The following CROCC variants were observed in gnomAD, a reference collection of about 807,000 sequenced individuals.
The protein encoded by CROCC is ciliary rootlet coiled-coil, rootletin, also known as rootletin.
In CROCC, 180 loss-of-function variants were observed where a neutral mutation model predicts 245.2. That is an observed-to-expected ratio of 0.73 (90% CI 0.65 to 0.83). CROCC has a LOEUF of 0.83. Among genes scored for constraint, CROCC ranks in the 40% least tolerant of loss-of-function variants. The probability of loss-of-function intolerance (pLI) is 0.00; values close to 1 mark genes in which losing one functional copy is unlikely to be tolerated. For synonymous variants in CROCC, 1,205 were observed against 1,241.6 expected, an observed-to-expected ratio of 0.97 and a Z score of 0.62; for missense variants, 2,688 against 2,779.4, an observed-to-expected ratio of 0.97 and a Z score of 0.74.
chr1:16,935,743 C>T (rs1268234043), intron 8 of CROCC, among the ~76,000 whole-genome samples: 1 of 152,278 alleles, frequency 6.6e-6, no homozygotes. Context: ...TTTTTCTTGG[C>T]CACAGAGTGT....
chr1:16,946,840 A>C lies in CROCC; in HGVS notation c.2363A>C (p.Glu788Ala), dbSNP rs1276624825. The C allele has an allele frequency of 6.4e-7, 1 of 1,554,368 alleles. No individual in the cohort carries two copies. The highest frequency in any genetic ancestry group is 1.4e-5 in the African/African-American group (1 of 73,346). The change falls in exon 17 of 37, where the codon GAA (glutamate) becomes GCA (alanine). Residue 788 changes from glutamate to alanine, a missense_variant. Glu to Ala is a moderately radical substitution (Grantham distance 107). This residue lies in a region of CROCC where 295 missense variants were observed against 241.7 expected (regional missense o/e 1.22). Transcript: ENST00000375541. ...GCCACAGTGGCGCGGGAAGAGCAGG[A>C]ACGGCTAGAGGAGCTGCGGTTGGAG... ...QEATVAREEQERLEELRLEQE... is the reference protein window; with the variant it reads ...QEATVAREEQARLEELRLEQE...
intron 1 of CROCC, among the ~76,000 whole-genome samples, chr1:16,916,183 CAA>C (rs58710425): frequency 9.3e-6 from 1 of 107,924 alleles, no homozygotes; most frequent in Non-Finnish European, 2.1e-5. Flanking sequence ...GACTCTGCCT[CAA>C]AAAAAAAGGC....
intron 20 of CROCC, among the ~76,000 whole-genome samples, chr1:16,951,534 G>A (rs866101412): frequency 3.3e-5 from 5 of 152,186 alleles, no homozygotes; most frequent in African/African-American, 1.2e-4. Context: ...AATCTTGGTC[G>A]CTTACTGGTG....
chr1:16,916,095 G>C (rs2075300173), intron 1 of CROCC, among the ~76,000 whole-genome samples: 1 of 152,234 alleles, frequency 6.6e-6, no homozygotes, highest in South Asian at 2.1e-4. Context: ...AGAATTGCTT[G>C]AACCCAGGAG....
At chr1:16,951,384 C>T (rs887430400) in intron 20 of CROCC, 6 of 315,052 alleles carry the variant, frequency 1.9e-5, no homozygotes, top group African/African-American at 1.3e-4. Context: ...ACCTAATGTA[C>T]AGCAGGAAAG....
intron 19 of CROCC, among the ~76,000 whole-genome samples, chr1:16,949,989 G>A (rs543948636): frequency 2.6e-5 from 4 of 151,268 alleles, no homozygotes; most frequent in Non-Finnish European, 4.4e-5. Flanking sequence ...AGCTGGTCTC[G>A]AACTCTTGAC....
intron 34 of CROCC, 38 bp downstream of exon 34, chr1:16,970,491 G>T (rs745531698): frequency 6.6e-7 from 1 of 1,520,696 alleles, no homozygotes; most frequent in Admixed American, 2.0e-5. Context: ...ACTTCCTCTG[G>T]GGCCTAACCG....
chr1:16,962,141 CAA>C (rs1287000880), intron 27 of CROCC, among the ~76,000 whole-genome samples: 1 of 151,716 alleles, frequency 6.6e-6, no homozygotes, highest in Non-Finnish European at 1.5e-5. Flanking sequence ...CGGCTCACTG[CAA>C]CCTCTGCCTC....
At position 16,972,534 on chromosome 1, in the gene CROCC, C is replaced by T. The variant is rs1460878943; in HGVS notation, c.*88C>T. On this transcript the variant is annotated 3_prime_UTR_variant, in exon 37 of 37. Transcript: ENST00000375541. ...CAGCCCCCCCACCCAGAGCCCGGTC[C>T]CTTGGGGGCCTCAAGCTGGGGTGGG... 2.0e-5 allele frequency: 17 copies of T among 851,878 alleles called. No individual in the cohort carries two copies. The highest frequency in any genetic ancestry group is 3.0e-5 in the Non-Finnish European group (17 of 562,822). The allele number at this position is 851,878 out of a possible 1,614,324, so 52.8% of individuals were successfully genotyped here. A position where few individuals can be genotyped will look rare whatever the true frequency, so the allele number is the denominator to read the frequency against.
Position 16,938,437 on chromosome 1 carries a change from CAG to C in CROCC, c.1331_1332del (p.Glu444GlyfsTer21), listed in dbSNP as rs772498635. On this transcript the variant is annotated frameshift_variant, in exon 11 of 37. Transcript: ENST00000375541. LOFTEE classifies it high-confidence loss of function. ...CTACAGGAGCAGGCGGCCCTGGAGA[CAG>C]AGGATGGAGAGGGGCTACAGCAGAC... 7.6e-6 allele frequency: 12 copies of C among 1,580,692 alleles called. No homozygotes were observed. The highest frequency in any genetic ancestry group is 1.0e-5 in the Non-Finnish European group (12 of 1,164,258).
intron 3 of CROCC, among the ~76,000 whole-genome samples, chr1:16,927,939 G>T (rs1432409359): frequency 6.6e-6 from 1 of 152,290 alleles, no homozygotes. Flanking sequence ...CCATGCACGT[G>T]TCCCGGGGGT....
At chr1:16,916,385 A>G (rs1256486320) in intron 1 of CROCC, among the ~76,000 whole-genome samples, 1 of 152,256 alleles carries the variant, frequency 6.6e-6, no homozygotes, top group Admixed American at 6.5e-5. Flanking sequence ...ATGAGCAGGG[A>G]AGCATAGAGA....
intron 3 of CROCC, among the ~76,000 whole-genome samples, chr1:16,926,248 T>G (rs2075532496): frequency 6.6e-6 from 1 of 152,260 alleles, no homozygotes; most frequent in African/African-American, 2.4e-5. Context: ...CTCAAAGGCC[T>G]TTCCTGGAGG....
chr1:16,970,101 T>A (rs1436986602), intron 33 of CROCC, 152 bp from the exon 34 acceptor site: 4 of 1,179,276 alleles, frequency 3.4e-6, no homozygotes, highest in Non-Finnish European at 4.6e-6. Flanking sequence ...AGAAACAGAC[T>A]GAGAGAGACA....
At chr1:16,970,023 C>A in intron 33 of CROCC, 89 bp downstream of exon 33, 3 of 1,466,042 alleles carry the variant, frequency 2.0e-6, no homozygotes, top group African/African-American at 1.4e-5. Flanking sequence ...AACCTCATCC[C>A]AAACCCTGGT....
intron 3 of CROCC, 61 bp from the exon 4 acceptor site, chr1:16,929,785 A>G (rs2075622256): frequency 1.4e-6 from 2 of 1,467,662 alleles, no homozygotes; most frequent in East Asian, 4.9e-5. Context: ...CACGCCCTAC[A>G]GAAGCCTGAG....
At chr1:16,967,388 A>G (rs1259541644) in intron 30 of CROCC, among the ~76,000 whole-genome samples, 3 of 151,674 alleles carry the variant, frequency 2.0e-5, no homozygotes, top group Admixed American at 6.6e-5. Context: ...GCTTCCCCCC[A>G]CCACCCCCGC....
intron 9 of CROCC, among the ~76,000 whole-genome samples, chr1:16,937,227 C>G (rs774350844): frequency 1.3e-5 from 2 of 152,244 alleles, no homozygotes; most frequent in Non-Finnish European, 2.9e-5. Context: ...GTGGCGCGTG[C>G]CTGTAATCCC....
At chr1:16,942,823 C>T (rs1234791343) in intron 13 of CROCC, among the ~76,000 whole-genome samples, 4 of 152,274 alleles carry the variant, frequency 2.6e-5, no homozygotes, top group Middle Eastern at 3.2e-3. Flanking sequence ...AGCACATTGT[C>T]GACTGAGCGA....
Sources: allele counts gnomAD v4.1 joint callset (sites outside exome capture counted in the v4.1 genomes callset), GRCh38; gene constraint gnomAD v4.1.1; regional missense constraint gnomAD v4.1.1; transcripts MANE v1.5; gene names NCBI Gene and HGNC (gene_info 2026-07-23, HGNC 2026-07-21).